SYCP1: variants seen among roughly 807,000 people sequenced by gnomAD.
SYCP1 encodes synaptonemal complex protein 1, also known as cancer/testis antigen 8.
SYCP1 carries 64 observed loss-of-function variants against 153.1 expected under a neutral mutation model. The ratio of observed to expected loss-of-function variants is 0.42; its 90% CI spans 0.34 to 0.51. The LOEUF (loss-of-function observed/expected upper bound fraction) is 0.51, where lower values mean the gene tolerates loss of function less well. Ranked by LOEUF, SYCP1 falls within the 20% of genes least tolerant of loss-of-function variation. SYCP1 has a pLI of 0.06. For synonymous variants in SYCP1, 384 were observed against 341.8 expected (o/e 1.12, Z -1.36); for missense variants, 997 against 1,049.0 (o/e 0.95, Z 0.68).
At chr1:114,901,344 TTTAA>T (rs1293832775) in intron 16 of SYCP1, among the ~76,000 whole-genome samples, 1 of 152,224 alleles carries the variant, frequency 6.6e-6, no homozygotes. Context: ...GGATATCCAC[TTTAA>T]TTAAGCTGAG....
intron 8 of SYCP1, among the ~76,000 whole-genome samples, chr1:114,868,236 T>A (rs962347408): frequency 1.3e-5 from 2 of 152,004 alleles, no homozygotes; most frequent in Non-Finnish European, 2.9e-5. Flanking sequence ...ACTCCTGGGC[T>A]TAAGTGATCC....
At chr1:114,870,639 C>T (rs1665050470) in intron 8 of SYCP1, among the ~76,000 whole-genome samples, 1 of 152,116 alleles carries the variant, frequency 6.6e-6, no homozygotes, top group African/African-American at 2.4e-5. Flanking sequence ...TCTTGACATT[C>T]TCTTTTGTAG....
intron 19 of SYCP1, among the ~76,000 whole-genome samples, chr1:114,913,666 G>C (rs1668327067): frequency 1.3e-5 from 2 of 152,134 alleles, no homozygotes; most frequent in South Asian, 4.1e-4. Flanking sequence ...TGAATTATGA[G>C]TTCAGTAGGT....
At chr1:114,891,300 G>C (rs1666689010) in intron 15 of SYCP1, among the ~76,000 whole-genome samples, 1 of 152,106 alleles carries the variant, frequency 6.6e-6, no homozygotes, top group Admixed American at 6.6e-5. Flanking sequence ...TTTGACCAGT[G>C]CTATTATAGT....
chr1:114,925,942 C>T (rs1369119812), intron 21 of SYCP1, among the ~76,000 whole-genome samples: 1 of 151,724 alleles, frequency 6.6e-6, no homozygotes, highest in Admixed American at 6.6e-5. Context: ...TTAACATATT[C>T]ATCACTTCAC....
At chr1:114,966,923 G>A (rs1308899493) in intron 27 of SYCP1, among the ~76,000 whole-genome samples, 2 of 152,086 alleles carry the variant, frequency 1.3e-5, no homozygotes, top group Admixed American at 6.5e-5. Context: ...GACCTCAGGT[G>A]ATTGGCCTTC....
intron 12 of SYCP1, among the ~76,000 whole-genome samples, chr1:114,882,185 A>AAAAC (rs371923005): frequency 0.05 from 7,549 of 151,676 alleles, 354 homozygotes; most frequent in African/African-American, 0.12. Context: ...ACCCTGTCTC[A>AAAAC]AAACAAACAA....
At chr1:114,908,829 G>A (rs1463809787) in intron 16 of SYCP1, among the ~76,000 whole-genome samples, 1 of 152,098 alleles carries the variant, frequency 6.6e-6, no homozygotes, top group Non-Finnish European at 1.5e-5. Context: ...TTATACTGGG[G>A]TTAGCATATA....
At chr1:114,903,358 T>C (rs1283101756) in intron 16 of SYCP1, among the ~76,000 whole-genome samples, 1 of 152,206 alleles carries the variant, frequency 6.6e-6, no homozygotes, top group African/African-American at 2.4e-5. Flanking sequence ...AAAGGATTAG[T>C]TCATAGTATG....
chr1:114,894,531 A>G (rs1468511135), intron 15 of SYCP1, among the ~76,000 whole-genome samples: 1 of 152,188 alleles, frequency 6.6e-6, no homozygotes, highest in Non-Finnish European at 1.5e-5. Flanking sequence ...AGATTTTTCA[A>G]TTTATTAGCA....
intron 16 of SYCP1, among the ~76,000 whole-genome samples, chr1:114,909,135 G>C (rs1357941878): frequency 1.3e-5 from 2 of 152,012 alleles, no homozygotes; most frequent in Admixed American, 6.6e-5. Flanking sequence ...AATTTGTGTA[G>C]TATTCATACA....
At chr1:114,886,379 C>A in intron 14 of SYCP1, 70 bp downstream of exon 14, 1 of 1,327,876 alleles carries the variant, frequency 7.5e-7, no homozygotes. Flanking sequence ...TATTCAATGC[C>A]ATTTTCTTTG....
At chr1:114,889,032 A>G (rs1229025157) in intron 15 of SYCP1, among the ~76,000 whole-genome samples, 1 of 152,122 alleles carries the variant, frequency 6.6e-6, no homozygotes, top group Non-Finnish European at 1.5e-5. Context: ...AAAGGACATG[A>G]ATTCATTCTT....
rs562849280 is a variant in SYCP1, at chr1:114,876,197, C to G, written c.727+59C>G. ...ACTGTTTTGCTATTTATATTTTTAT[C>G]AGATTCCGTTAATGTCTTCATCTCT... On this transcript the variant is annotated intron_variant, in intron 10 of 31. Coordinates refer to ENST00000369522, the MANE Select transcript of SYCP1 (RefSeq NM_003176.4). 2.5e-6 allele frequency: 3 copies of G among 1,217,012 alleles called. No individual in the cohort carries two copies. The East Asian group carries it at 7.6e-5, about 31-fold the overall frequency. 75.4% of individuals were successfully genotyped at this position (1,217,012 alleles called of 1,614,324 possible).
intron 26 of SYCP1, among the ~76,000 whole-genome samples, chr1:114,946,741 T>C (rs1179778718): frequency 2.0e-5 from 3 of 152,028 alleles, no homozygotes; most frequent in African/African-American, 7.2e-5. Flanking sequence ...TTTTGTTTTG[T>C]TTTGTTTTTG....
chr1:114,860,823 T>C lies in SYCP1; in HGVS notation c.598+14T>C. ...AGACAAAGAAATGTAAATATCTTTC[T>C]TGTTTTATGTGATTTTATCAATTTA... On this transcript the variant is annotated intron_variant, in intron 8 of 31. Coordinates refer to ENST00000369522, the MANE Select transcript of SYCP1 (RefSeq NM_003176.4). 1.9e-6 allele frequency: 3 copies of C among 1,548,918 alleles called. No individual in the cohort carries two copies. Among genetic ancestry groups the C allele is most frequent in the Non-Finnish European group, 2.6e-6 (3 of 1,144,742 alleles).
intron 27 of SYCP1, among the ~76,000 whole-genome samples, chr1:114,973,595 C>G (rs910806773): frequency 6.6e-6 from 1 of 151,980 alleles, no homozygotes; most frequent in Admixed American, 6.6e-5. Context: ...TATTGTGGCT[C>G]TCTTACTGAG....
intron 23 of SYCP1, among the ~76,000 whole-genome samples, chr1:114,932,515 A>G (rs545297556): frequency 2.0e-5 from 3 of 152,304 alleles, no homozygotes; most frequent in Admixed American, 1.3e-4. Flanking sequence ...TGATTTCTGC[A>G]TTTCCAACTG....
chr1:114,982,680 A>G (rs1673243548), intron 29 of SYCP1, among the ~76,000 whole-genome samples: 1 of 151,822 alleles, frequency 6.6e-6, no homozygotes, highest in Non-Finnish European at 1.5e-5. Flanking sequence ...AAAATAGCTG[A>G]CTTTAAATCT....
Sources: gnomAD v4.1 joint callset for allele counts (sites outside exome capture counted in the v4.1 genomes callset) on GRCh38, gnomAD v4.1.1 for gene constraint, MANE v1.5 for transcripts, NCBI Gene and HGNC (gene_info 2026-07-23, HGNC 2026-07-21) for gene names.